The following APBA2 variants were observed in gnomAD, a reference collection of about 807,000 sequenced individuals.
APBA2 encodes amyloid-beta A4 precursor protein-binding family A member 2.
Under a neutral mutation model 75.0 loss-of-function variants are expected in APBA2, and 30 were observed. The ratio of observed to expected loss-of-function variants is 0.40; its 90% CI spans 0.30 to 0.54. The LOEUF is 0.54. Among genes scored for constraint, APBA2 ranks in the 20% least tolerant of loss-of-function variants. The pLI is 0.49. For synonymous variants in APBA2, 444 were observed against 409.6 expected (o/e 1.08, Z -1.01); for missense variants, 801 against 1,016.1 (o/e 0.79, Z 2.88).
At chr15:29,066,328 A>G (rs547724759) in intron 4 of APBA2, among the ~76,000 whole-genome samples, 16 of 152,330 alleles carry the variant, frequency 1.1e-4, no homozygotes, top group African/African-American at 3.8e-4. Context: ...AGCCACAAGC[A>G]TAGCGAGAAA....
intron 3 of APBA2, among the ~76,000 whole-genome samples, chr15:29,016,968 G>T (rs902584266): frequency 3.3e-5 from 5 of 152,042 alleles, no homozygotes; most frequent in Admixed American, 3.3e-4. Flanking sequence ...TTGTTTCTAA[G>T]AAAGCTGATC....
At chr15:28,949,134 A>G (rs2035711584) in intron 2 of APBA2, among the ~76,000 whole-genome samples, 3 of 151,608 alleles carry the variant, frequency 2.0e-5, no homozygotes, top group Admixed American at 2.0e-4. Context: ...AAAGGAATCA[A>G]TCACCCGGAC....
chr15:28,911,804 TTA>T (rs1441090476), intron 1 of APBA2, among the ~76,000 whole-genome samples: 1 of 152,136 alleles, frequency 6.6e-6, no homozygotes, highest in African/African-American at 2.4e-5. Context: ...GATTATAGGT[TTA>T]TGTTAGCTTT....
chr15:29,059,915 G>A (rs954757257), intron 4 of APBA2, among the ~76,000 whole-genome samples: 7 of 152,178 alleles, frequency 4.6e-5, no homozygotes, highest in African/African-American at 1.2e-4. Context: ...TCGCTATAGC[G>A]GAGACACCAG....
At chr15:28,892,344 G>A (rs2152609812) in intron 1 of APBA2, among the ~76,000 whole-genome samples, 1 of 152,272 alleles carries the variant, frequency 6.6e-6, no homozygotes, top group Non-Finnish European at 1.5e-5. Context: ...CAAGGTGCTG[G>A]GATTACAGGC....
chr15:28,907,675 G>T (rs565123048), intron 1 of APBA2, among the ~76,000 whole-genome samples: 2 of 152,326 alleles, frequency 1.3e-5, no homozygotes, highest in East Asian at 3.9e-4. Flanking sequence ...CAATGCTTGG[G>T]AAGTGTAGAG....
intron 5 of APBA2, among the ~76,000 whole-genome samples, chr15:29,075,348 G>T (rs2042804362): frequency 6.6e-6 from 1 of 152,068 alleles, no homozygotes; most frequent in Non-Finnish European, 1.5e-5. Context: ...CTAAACTAGG[G>T]TTTCTCAACA....
At chr15:28,949,550 C>G (rs569025005) in intron 2 of APBA2, among the ~76,000 whole-genome samples, 13 of 152,256 alleles carry the variant, frequency 8.5e-5, no homozygotes, top group Non-Finnish European at 1.8e-4. Flanking sequence ...CTCACTGCAG[C>G]CTCTGCCTCC....
intron 2 of APBA2, among the ~76,000 whole-genome samples, chr15:28,949,446 C>T (rs1377521384): frequency 6.6e-6 from 1 of 152,140 alleles, no homozygotes; most frequent in East Asian, 1.9e-4. Context: ...TGCCTGCCCT[C>T]CTGGGAGCCG....
chr15:29,109,858 G>C (rs1436356893), intron 13 of APBA2, among the ~76,000 whole-genome samples: 1 of 152,248 alleles, frequency 6.6e-6, no homozygotes, highest in Non-Finnish European at 1.5e-5. Flanking sequence ...TGGGCCCGCT[G>C]GTCCTCGTCT....
intron 2 of APBA2, among the ~76,000 whole-genome samples, chr15:28,960,959 A>C (rs1478976810): frequency 6.6e-6 from 1 of 151,742 alleles, no homozygotes; most frequent in Non-Finnish European, 1.5e-5. Flanking sequence ...GGGTTTCTCC[A>C]TGTTGGTCAG....
intron 1 of APBA2, among the ~76,000 whole-genome samples, chr15:28,902,807 C>T (rs1409625014): frequency 6.6e-6 from 1 of 152,144 alleles, no homozygotes; most frequent in Non-Finnish European, 1.5e-5. Flanking sequence ...TGGCTCCAAA[C>T]CTCACTGTTC....
rs369849124 is a variant in APBA2, at chr15:28,987,411, C to T, written c.-94-8342C>T. On this transcript the variant is annotated intron_variant, in intron 2 of 14. Transcript: ENST00000683413. ...GGCTTGACTGGGGCAGGAGGATCCA[C>T]GTCCAAGATCGACTTCACCTGGCTG... is the stretch of plus-strand genomic sequence containing the variant. 3.3e-5 allele frequency among the ~76,000 whole-genome samples: 5 copies of T among 152,050 alleles called. No homozygotes were observed. The East Asian group carries it at 5.8e-4, about 18-fold the overall frequency.
At chr15:28,889,390 G>A (rs944867512) in intron 1 of APBA2, among the ~76,000 whole-genome samples, 7 of 152,228 alleles carry the variant, frequency 4.6e-5, no homozygotes, top group African/African-American at 1.7e-4. Context: ...CCAGGTTGGG[G>A]GCTGTGGGGT....
chr15:28,982,352 G>C (rs1219495474), intron 2 of APBA2, among the ~76,000 whole-genome samples: 5 of 152,124 alleles, frequency 3.3e-5, no homozygotes, highest in African/African-American at 1.2e-4. Context: ...TATCTCACTG[G>C]GCTGTTTCCT....
At chr15:28,937,851 G>A (rs1227896201) in intron 2 of APBA2, among the ~76,000 whole-genome samples, 1 of 152,080 alleles carries the variant, frequency 6.6e-6, no homozygotes, top group Non-Finnish European at 1.5e-5. Flanking sequence ...TAGAGACGGG[G>A]TTTGACCGTG....
Position 29,108,146 on chromosome 15 carries a change from GCC to G in APBA2, c.1918-123_1918-122del. 2.8e-6 allele frequency: 4 copies of G among 1,405,302 alleles called. No individual in the cohort carries two copies. The South Asian group carries it at 4.6e-5, about 16-fold the overall frequency. The allele number at this position is 1,405,302 out of a possible 1,614,324, so 87.1% of individuals were successfully genotyped here. On this transcript the variant is annotated intron_variant, in intron 12 of 14. Transcript: ENST00000683413. ...GGGCTACCGAGGCTGAGAGGGGACTGCCTGCCTCTCCCATTGTGTGTTCTCAC... is the reference window on the plus strand; with the variant it reads ...GGGCTACCGAGGCTGAGAGGGGACTGTGCCTCTCCCATTGTGTGTTCTCAC...
chr15:28,901,674 G>A (rs2032861813), intron 1 of APBA2, among the ~76,000 whole-genome samples: 1 of 152,064 alleles, frequency 6.6e-6, no homozygotes. Context: ...CCTGTGCCGT[G>A]GCCACACCCC....
intron 4 of APBA2, among the ~76,000 whole-genome samples, chr15:29,065,457 A>C (rs939710785): frequency 3.3e-5 from 5 of 152,190 alleles, no homozygotes; most frequent in Admixed American, 2.6e-4. Flanking sequence ...CCAGTCAGTT[A>C]CTATGAAGAC....
Sources: allele counts gnomAD v4.1 joint callset (sites outside exome capture counted in the v4.1 genomes callset), GRCh38; gene constraint gnomAD v4.1.1; transcripts MANE v1.5; gene names NCBI Gene and HGNC (gene_info 2026-07-23, HGNC 2026-07-21).